The following NDUFA8 variants were observed in gnomAD, a reference collection of about 807,000 sequenced individuals.
NDUFA8 encodes NADH dehydrogenase [ubiquinone] 1 alpha subcomplex subunit 8.
In NDUFA8, 16 loss-of-function variants were observed where a neutral mutation model predicts 20.9. The observed-to-expected ratio is 0.77, with a 90% CI of 0.52 to 1.16. NDUFA8 has a LOEUF of 1.16. NDUFA8 is among the 50% of genes most tolerant of loss of function. The pLI is 0.00. For missense variants in NDUFA8, 202 were observed against 216.4 expected (o/e 0.93, Z 0.42); for synonymous variants, 70 against 76.1 (o/e 0.92, Z 0.41).
chr9:122,135,204 G>A, the NDUFA8 span, among the ~76,000 whole-genome samples: 1 of 152,178 alleles, frequency 6.6e-6, no homozygotes, highest in African/African-American at 2.4e-5. Context: ...GGGGGCACTT[G>A]TCAGTCTGAG....
chr9:122,140,547 C>T (rs900860742), downstream of NDUFA8, among the ~76,000 whole-genome samples: 1 of 152,162 alleles, frequency 6.6e-6, no homozygotes, highest in Non-Finnish European at 1.5e-5. Flanking sequence ...GAAAGGTAAA[C>T]TTCGTGTACA....
chr9:122,150,333 C>T (rs1190200809), intron 2 of NDUFA8, among the ~76,000 whole-genome samples: 1 of 149,376 alleles, frequency 6.7e-6, no homozygotes, highest in Non-Finnish European at 1.5e-5. Context: ...ATGGCGCGAA[C>T]CCGGGAGGCG....
intron 2 of NDUFA8, among the ~76,000 whole-genome samples, chr9:122,152,018 T>C (rs549133470): frequency 3.9e-5 from 6 of 152,324 alleles, no homozygotes; most frequent in South Asian, 4.1e-4. Context: ...CAAACCTAGA[T>C]AGGTATTATT....
At chr9:122,139,720 TTCTCAC>T (rs1183995933), downstream of NDUFA8, among the ~76,000 whole-genome samples, 1 of 152,138 alleles carries the variant, frequency 6.6e-6, no homozygotes, top group Non-Finnish European at 1.5e-5. Context: ...TGGAGACAGA[TTCTCAC>T]TCTGTCACCC....
the NDUFA8 span, among the ~76,000 whole-genome samples, chr9:122,136,563 T>G: frequency 6.6e-6 from 1 of 152,202 alleles, no homozygotes; most frequent in Non-Finnish European, 1.5e-5. Flanking sequence ...TCGTAGATTT[T>G]TTTTTTTTTC....
At chr9:122,136,559 AT>A in the NDUFA8 span, among the ~76,000 whole-genome samples, 1,687 of 146,672 alleles carry the variant, frequency 0.012, 16 homozygotes, top group Non-Finnish European at 0.016. Flanking sequence ...GCGTTCGTAG[AT>A]TTTTTTTTTT....
chr9:122,145,507 T>C (rs1026019410), intron 3 of NDUFA8, among the ~76,000 whole-genome samples: 6 of 152,236 alleles, frequency 3.9e-5, no homozygotes, highest in African/African-American at 1.4e-4. Context: ...GGCTGAACTC[T>C]TAAGTCACCT....
At chr9:122,149,566 T>G (rs924616428) in intron 2 of NDUFA8, among the ~76,000 whole-genome samples, 18 of 152,236 alleles carry the variant, frequency 1.2e-4, no homozygotes, top group African/African-American at 4.1e-4. Flanking sequence ...CCTCTATGGA[T>G]TCACCTTGGG....
At position 122,153,868 on chromosome 9, in the gene NDUFA8, C is replaced by T. The variant is rs148647809; in HGVS notation, c.52-1460G>A. The stretch of plus-strand genomic sequence containing the variant: ...CAGTTTTTATAATACTGGGTGCCTG[C>T]TCAAACTTCACATCCTCAGAGAGCC... On this transcript the variant is annotated intron_variant, in intron 1 of 3. Coordinates refer to ENST00000373768, the MANE Select transcript of NDUFA8 (RefSeq NM_014222.3). Among the ~76,000 whole-genome samples, 270 of 152,268 alleles carry T rather than the reference C, an allele frequency of 1.8e-3. 2 individuals carry two copies. Among genetic ancestry groups the T allele is most frequent in the African/African-American group, 6.0e-3 (251 of 41,554 alleles).
At chr9:122,138,825 T>G in the NDUFA8 span, among the ~76,000 whole-genome samples, 1 of 119,240 alleles carries the variant, frequency 8.4e-6, no homozygotes, top group African/African-American at 3.2e-5. Context: ...GGAGACAAAA[T>G]GTGAGCTGAA....
Position 122,153,277 on chromosome 9 carries a change from A to AAAATT in NDUFA8, c.52-874_52-870dup, listed in dbSNP as rs554867799. ...GCAAGACTCTGTCTCAAAAAAAAAA[A>AAAATT]AAATTAAATTAAATTAAATTAAATT... On this transcript the variant is annotated intron_variant, in intron 1 of 3. Transcript: ENST00000373768. Among the ~76,000 whole-genome samples, 258 of 151,668 alleles carry AAAATT rather than the reference A, an allele frequency of 1.7e-3. 1 individual carries two copies. Among genetic ancestry groups the AAAATT allele is most frequent in the African/African-American group, 5.9e-3 (243 of 41,390 alleles).
At chr9:122,133,534 T>C in the NDUFA8 span, among the ~76,000 whole-genome samples, 1 of 152,168 alleles carries the variant, frequency 6.6e-6, no homozygotes, top group Non-Finnish European at 1.5e-5. Context: ...CCCAACAGGA[T>C]TCTAGGAGGC....
chr9:122,146,739 T>A (rs1588291369), intron 3 of NDUFA8, among the ~76,000 whole-genome samples: 1 of 152,256 alleles, frequency 6.6e-6, no homozygotes, highest in South Asian at 2.1e-4. Context: ...TCTACTAAAA[T>A]ACAAAAATTA....
Position 122,159,761 on chromosome 9 carries a change from C to T in NDUFA8, c.-84G>A. The T allele has an allele frequency of 1.3e-6, 2 of 1,579,522 alleles. No homozygotes were observed. The highest frequency in any genetic ancestry group is 1.1e-5 in the South Asian group (1 of 90,424). On this transcript the variant is annotated 5_prime_UTR_variant, in exon 1 of 4. Transcript: ENST00000373768. ...GAACTCCCCTTTCGACCGCCGAGTG[C>T]CACACGGCGCCTGCGCATGCGCATC...
chr9:122,142,685 C>G (rs985247387), downstream of NDUFA8, among the ~76,000 whole-genome samples: 3 of 152,184 alleles, frequency 2.0e-5, no homozygotes, highest in African/African-American at 7.2e-5. Context: ...GTACCTCGTT[C>G]AAAGGACTCT....
chr9:122,135,112 C>T, the NDUFA8 span, among the ~76,000 whole-genome samples: 1 of 152,224 alleles, frequency 6.6e-6, no homozygotes, highest in Non-Finnish European at 1.5e-5. Flanking sequence ...CAGCCTGTGG[C>T]TGGGGCTTTG....
At chr9:122,144,008 G>T, downstream of NDUFA8, 2 of 1,302,936 alleles carry the variant, frequency 1.5e-6, no homozygotes, top group Middle Eastern at 2.9e-4. Context: ...GCAAGGGGAA[G>T]TCATCTTTAA....
downstream of NDUFA8, among the ~76,000 whole-genome samples, chr9:122,141,811 C>T (rs1209402206): frequency 6.6e-6 from 1 of 152,162 alleles, no homozygotes; most frequent in Non-Finnish European, 1.5e-5. Flanking sequence ...TACTTAGACT[C>T]TTCTGTCCTA....
chr9:122,147,471 A>G (rs1588291665), intron 3 of NDUFA8, among the ~76,000 whole-genome samples: 1 of 152,274 alleles, frequency 6.6e-6, no homozygotes, highest in Middle Eastern at 3.4e-3. Flanking sequence ...GCCTGATCCT[A>G]TTTCCCCAGT....
Sources: allele counts gnomAD v4.1 joint callset (sites outside exome capture counted in the v4.1 genomes callset), GRCh38; gene constraint gnomAD v4.1.1; transcripts MANE v1.5; gene names NCBI Gene and HGNC (gene_info 2026-07-23, HGNC 2026-07-21).